Variants in DMD observed in about 807,000 individuals in gnomAD.
DMD encodes the protein mutant dystrophin.
A neutral mutation model predicts 330.1 loss-of-function variants in DMD; 63 were observed. The ratio of observed to expected loss-of-function variants is 0.19; its 90% CI spans 0.16 to 0.24. DMD has a LOEUF of 0.24. Among genes scored for constraint, DMD ranks in the 10% least tolerant of loss-of-function variants. The pLI is 1.00. For synonymous variants in DMD, 1,223 were observed against 959.8 expected (o/e 1.27, Z -5.07); for missense variants, 3,344 against 2,684.1 (o/e 1.25, Z -5.43).
intron 1 of DMD, among the ~76,000 whole-genome samples, chrX:33,115,368 A>AT (rs911074290): frequency 2.6e-4 from 28 of 108,808 alleles, no homozygotes; most frequent in Non-Finnish European, 3.4e-4. Context: ...CAAGGGGATA[A>AT]TTTTTTTTTT....
Position 32,749,706 on chromosome X carries a change from C to T in DMD, c.650-50413G>A, listed in dbSNP as rs1022349105. Among the ~76,000 whole-genome samples, 7 of 112,258 alleles carry T rather than the reference C, an allele frequency of 6.2e-5. No individual in the cohort carries two copies. In the Admixed American group the frequency reaches 6.6e-4, roughly 11 times the overall value. Reference sequence around the variant, plus strand: ...ATTTGCTGAAGGCTTTTAGGGTTCCCAGTTGCTATAATCTCTTTAAGACTC... The same window carrying T: ...ATTTGCTGAAGGCTTTTAGGGTTCCTAGTTGCTATAATCTCTTTAAGACTC... On this transcript the variant is annotated intron_variant, in intron 7 of 78. Transcript: ENST00000357033.
rs751644572 is a variant in DMD, at chrX:32,331,759, A to G, written c.5922+10341T>C. On this transcript the variant is annotated intron_variant, in intron 41 of 78. Transcript: ENST00000357033. The stretch of plus-strand genomic sequence containing the variant: ...TTGACACATTTATTCTACTATTTTT[A>G]TTTAACGTGCTACTTGAAGCCAGTC... 5.3e-3 allele frequency among the ~76,000 whole-genome samples: 592 copies of G among 111,832 alleles called. 7 individuals are homozygous for G. Among genetic ancestry groups the G allele is most frequent in the African/African-American group, 0.019 (576 of 30,937 alleles).
chrX:31,923,034 A>G (rs1287082722), intron 47 of DMD, among the ~76,000 whole-genome samples: 1 of 111,512 alleles, frequency 9.0e-6, no homozygotes. Context: ...TGTTCTCATA[A>G]CTAGAGTGAC....
intron 67 of DMD, among the ~76,000 whole-genome samples, chrX:31,191,825 C>CA (rs1305072154): frequency 8.9e-6 from 1 of 112,086 alleles, no homozygotes; most frequent in Non-Finnish European, 1.9e-5. Context: ...TTCATAAATC[C>CA]AAAAAATCAT....
chrX:31,810,830 A>G (rs1433554783), intron 50 of DMD, among the ~76,000 whole-genome samples: 1 of 111,888 alleles, frequency 8.9e-6, no homozygotes, highest in East Asian at 2.8e-4. Context: ...AAATATGCCT[A>G]AATAGTTCTG....
At chrX:32,012,024 C>G (rs936664676) in intron 44 of DMD, among the ~76,000 whole-genome samples, 1 of 111,808 alleles carries the variant, frequency 8.9e-6, no homozygotes, top group African/African-American at 3.3e-5. Context: ...GTTGTCAAGC[C>G]CCCCCAGTCC....
intron 2 of DMD, among the ~76,000 whole-genome samples, chrX:32,922,073 T>A (rs768796826): frequency 2.0e-4 from 22 of 110,579 alleles, no homozygotes; most frequent in African/African-American, 6.9e-4. Context: ...TCACCAAGGC[T>A]TACACATAAG....
chrX:32,859,461 T>TCACACACACACACA (rs35537635), intron 2 of DMD, among the ~76,000 whole-genome samples: 8 of 86,041 alleles, frequency 9.3e-5, no homozygotes, highest in Non-Finnish European at 1.4e-4. Flanking sequence ...AAGCAAGATC[T>TCACACACACACACA]CACACACACA....
chrX:31,345,858 A>C (rs1048235269), intron 61 of DMD, among the ~76,000 whole-genome samples: 1 of 111,955 alleles, frequency 8.9e-6, no homozygotes, highest in African/African-American at 3.2e-5. Flanking sequence ...CATGCGGATA[A>C]TAAAGTTAGA....
intron 56 of DMD, among the ~76,000 whole-genome samples, chrX:31,505,444 C>A (rs2070842785): frequency 1.8e-5 from 2 of 111,445 alleles, no homozygotes; most frequent in Admixed American, 1.9e-4. Flanking sequence ...CTGTTCTACT[C>A]CTAGCAATCT....
At chrX:32,481,629 T>C (rs1310800337) in intron 21 of DMD, among the ~76,000 whole-genome samples, 1 of 111,562 alleles carries the variant, frequency 9.0e-6, no homozygotes, top group Non-Finnish European at 1.9e-5. Context: ...GCAATTTGTG[T>C]TTCTTTTCAT....
intron 1 of DMD, among the ~76,000 whole-genome samples, chrX:33,092,976 C>T (rs759423185): frequency 7.2e-5 from 8 of 111,039 alleles, no homozygotes; most frequent in African/African-American, 2.0e-4. Flanking sequence ...TGGGTTCAAG[C>T]GATTCTCCAG....
intron 59 of DMD, among the ~76,000 whole-genome samples, chrX:31,447,072 T>C (rs1200037831): frequency 9.0e-6 from 1 of 111,408 alleles, no homozygotes; most frequent in African/African-American, 3.3e-5. Flanking sequence ...TTAGAATATT[T>C]TGATTTTCAT....
At chrX:32,800,431 G>A (rs1253756304) in intron 7 of DMD, among the ~76,000 whole-genome samples, 1 of 111,456 alleles carries the variant, frequency 9.0e-6, no homozygotes, top group Non-Finnish European at 1.9e-5. Context: ...CCTGAAAAAT[G>A]CTGAGCAAAA....
At chrX:32,349,698 A>G (rs1197279392) in intron 37 of DMD, among the ~76,000 whole-genome samples, 1 of 111,983 alleles carries the variant, frequency 8.9e-6, no homozygotes, top group African/African-American at 3.2e-5. Flanking sequence ...TCTATTCATG[A>G]TGACATGATT....
intron 11 of DMD, among the ~76,000 whole-genome samples, chrX:32,623,903 C>A (rs956576682): frequency 1.8e-5 from 2 of 111,965 alleles, no homozygotes; most frequent in African/African-American, 6.5e-5. Context: ...ATAGAAATCA[C>A]AAACCCTGTG....
At position 32,402,898 on chromosome X, in the gene DMD, G is replaced by A. The variant is rs1228220816; in HGVS notation, c.4233+8854C>T. On this transcript the variant is annotated intron_variant, in intron 30 of 78. Coordinates refer to ENST00000357033, the MANE Select transcript of DMD (RefSeq NM_004006.3). ...ATCTTTCTTTGGTGCTATCTAATGAGTGGCAAGATGGCAAGGACCACGTTA... is the reference window on the plus strand; with the variant it reads ...ATCTTTCTTTGGTGCTATCTAATGAATGGCAAGATGGCAAGGACCACGTTA... 1.8e-4 allele frequency among the ~76,000 whole-genome samples: 20 copies of A among 111,454 alleles called. No individual in the cohort carries two copies. The Admixed American group carries it at 1.9e-3, about 11-fold the overall frequency.
intron 7 of DMD, among the ~76,000 whole-genome samples, chrX:32,711,875 A>G (rs2065223680): frequency 8.9e-6 from 1 of 111,967 alleles, no homozygotes; most frequent in Non-Finnish European, 1.9e-5. Context: ...GATGTGCTCA[A>G]TTAGTAAAGA....
chrX:32,627,879 C>T (rs1462264901), intron 11 of DMD, among the ~76,000 whole-genome samples: 1 of 110,590 alleles, frequency 9.0e-6, no homozygotes, highest in African/African-American at 3.3e-5. Flanking sequence ...ATGATAGAAA[C>T]CACAATACCC....
Sources: allele counts gnomAD v4.1 joint callset (sites outside exome capture counted in the v4.1 genomes callset), GRCh38; gene constraint gnomAD v4.1.1; transcripts MANE v1.5; gene names NCBI Gene and HGNC (gene_info 2026-07-23, HGNC 2026-07-21).